GPM6A: variants seen among roughly 807,000 people sequenced by gnomAD.
GPM6A encodes the protein glycoprotein M6A.
Under a neutral mutation model 32.1 loss-of-function variants are expected in GPM6A, and 7 were observed. The ratio of observed to expected loss-of-function variants is 0.22; its 90% CI spans 0.12 to 0.41. The LOEUF (loss-of-function observed/expected upper bound fraction) is 0.41, where lower values mean the gene tolerates loss of function less well. Among genes scored for constraint, GPM6A ranks in the 10% least tolerant of loss-of-function variants. The probability of loss-of-function intolerance (pLI) is 1.00; values close to 1 mark genes in which losing one functional copy is unlikely to be tolerated. For missense variants in GPM6A, 235 were observed against 347.2 expected (o/e 0.68, Z 2.57); for synonymous variants, 130 against 123.4 (o/e 1.05, Z -0.35).
At chr4:175,716,249 C>A (rs758429829) in intron 1 of GPM6A, among the ~76,000 whole-genome samples, 1 of 152,124 alleles carries the variant, frequency 6.6e-6, no homozygotes, top group Non-Finnish European at 1.5e-5. Flanking sequence ...CCATGTCCAG[C>A]TTGCAGAGAA....
intron 1 of GPM6A, among the ~76,000 whole-genome samples, chr4:175,780,340 G>A (rs1183955100): frequency 2.0e-5 from 3 of 152,102 alleles, no homozygotes; most frequent in Non-Finnish European, 4.4e-5. Context: ...GAGCCACTAT[G>A]CCAGGCCCAG....
At chr4:175,792,291 T>G (rs1398588065) in intron 1 of GPM6A, among the ~76,000 whole-genome samples, 5 of 152,206 alleles carry the variant, frequency 3.3e-5, no homozygotes, top group African/African-American at 1.2e-4. Flanking sequence ...GTCAAATGTG[T>G]AGAAAGTATT....
chr4:175,822,776 G>A (rs1166775374), intron 1 of GPM6A, among the ~76,000 whole-genome samples: 2 of 151,756 alleles, frequency 1.3e-5, no homozygotes, highest in African/African-American at 4.8e-5. Context: ...TCGTCATCTA[G>A]GCTTTAAGAC....
At chr4:175,963,464 TTC>T (rs1740231791) in intron 1 of GPM6A, among the ~76,000 whole-genome samples, 1 of 152,102 alleles carries the variant, frequency 6.6e-6, no homozygotes, top group Non-Finnish European at 1.5e-5. Flanking sequence ...GATATCAGAC[TTC>T]TCTCTACAAC....
intron 1 of GPM6A, among the ~76,000 whole-genome samples, chr4:175,893,457 A>G (rs1251738338): frequency 1.3e-5 from 2 of 152,058 alleles, no homozygotes; most frequent in Admixed American, 6.5e-5. Context: ...GAGTACCTAA[A>G]ATCCTAAGTT....
intron 1 of GPM6A, among the ~76,000 whole-genome samples, chr4:175,942,764 T>C (rs949865107): frequency 1.3e-5 from 2 of 152,228 alleles, no homozygotes; most frequent in African/African-American, 2.4e-5. Flanking sequence ...AGTACCATGC[T>C]ATTTTGGTTA....
intron 1 of GPM6A, among the ~76,000 whole-genome samples, chr4:175,885,132 C>T (rs1737410708): frequency 6.6e-6 from 1 of 152,024 alleles, no homozygotes; most frequent in Non-Finnish European, 1.5e-5. Flanking sequence ...CACAACACAG[C>T]CATTAATGAG....
At chr4:175,944,463 T>C (rs545802394) in intron 1 of GPM6A, among the ~76,000 whole-genome samples, 11 of 152,276 alleles carry the variant, frequency 7.2e-5, no homozygotes, top group African/African-American at 1.9e-4. Flanking sequence ...ATCTATAAAA[T>C]GCATACTGAT....
chr4:175,636,032 A>G (rs1740564092), intron 6 of GPM6A, among the ~76,000 whole-genome samples: 1 of 151,924 alleles, frequency 6.6e-6, no homozygotes, highest in South Asian at 2.1e-4. Flanking sequence ...TAAATAATGA[A>G]TATTGTGGTG....
intron 1 of GPM6A, among the ~76,000 whole-genome samples, chr4:175,752,389 G>C (rs79657465): frequency 1.3e-3 from 199 of 152,170 alleles, no homozygotes; most frequent in African/African-American, 3.9e-3. Context: ...TATCTGCAAG[G>C]CCGAGCCTTT....
intron 1 of GPM6A, among the ~76,000 whole-genome samples, chr4:175,932,309 C>T (rs548754354): frequency 6.6e-6 from 1 of 152,216 alleles, no homozygotes; most frequent in East Asian, 1.9e-4. Flanking sequence ...CAAGACTGCA[C>T]ACAATGCTCT....
At chr4:175,816,942 C>G (rs576185557), upstream of GPM6A, among the ~76,000 whole-genome samples, 3 of 152,098 alleles carry the variant, frequency 2.0e-5, no homozygotes, top group South Asian at 6.2e-4. Flanking sequence ...TCACTGCAAG[C>G]TCCGCCTCCC....
intron 1 of GPM6A, among the ~76,000 whole-genome samples, chr4:175,803,323 A>G (rs1011977425): frequency 3.3e-5 from 5 of 152,192 alleles, no homozygotes; most frequent in African/African-American, 9.6e-5. Flanking sequence ...TAACACATAC[A>G]TAAGAAAAAA....
chr4:175,985,031 C>T (rs2126449655), intron 1 of GPM6A, among the ~76,000 whole-genome samples: 1 of 152,274 alleles, frequency 6.6e-6, no homozygotes, highest in Non-Finnish European at 1.5e-5. Flanking sequence ...ATTTAGAAGG[C>T]TTAATTCTCC....
intron 3 of GPM6A, among the ~76,000 whole-genome samples, chr4:175,666,607 G>A (rs1441890650): frequency 2.0e-5 from 3 of 152,152 alleles, no homozygotes; most frequent in African/African-American, 4.8e-5. Flanking sequence ...TTAATAGTCT[G>A]TGGTTATTAT....
chr4:175,931,709 CATATAT>C lies in GPM6A; in HGVS notation c.-23+70594_-23+70599del, dbSNP rs3034786. ...ACACACACACACACACACACACACA[CATATAT>C]ATATATATATATAGCAGAATTATGC... On this transcript the variant is annotated intron_variant, in intron 1 of 7. Transcript: ENST00000280187. 3.6e-4 allele frequency among the ~76,000 whole-genome samples: 46 copies of C among 129,320 alleles called. 1 individual carries two copies. The highest frequency in any genetic ancestry group is 2.8e-3 in the South Asian group (12 of 4,310). The allele number at this position is 129,320 out of a possible 152,430, so 84.8% of individuals were successfully genotyped here.
chr4:175,808,019 GA>G (rs1398021265), intron 1 of GPM6A, among the ~76,000 whole-genome samples: 1 of 152,194 alleles, frequency 6.6e-6, no homozygotes, highest in Non-Finnish European at 1.5e-5. Flanking sequence ...CCAGTGTCTG[GA>G]ACTGAAATCA....
chr4:175,717,828 T>C (rs1258083427), intron 1 of GPM6A, among the ~76,000 whole-genome samples: 1 of 152,228 alleles, frequency 6.6e-6, no homozygotes, highest in African/African-American at 2.4e-5. Flanking sequence ...GTGGATATCA[T>C]GGAAAAGCTG....
chr4:175,985,847 T>G (rs1432203088), intron 1 of GPM6A, among the ~76,000 whole-genome samples: 1 of 152,072 alleles, frequency 6.6e-6, no homozygotes, highest in East Asian at 1.9e-4. Context: ...GCTCTGTCAC[T>G]AAGGCTGGAG....
Sources: gnomAD v4.1 joint callset for allele counts (sites outside exome capture counted in the v4.1 genomes callset) on GRCh38, gnomAD v4.1.1 for gene constraint, MANE v1.5 for transcripts, NCBI Gene and HGNC (gene_info 2026-07-23, HGNC 2026-07-21) for gene names.